ITGAE: variants seen among roughly 807,000 people sequenced by gnomAD.
The protein encoded by ITGAE is integrin alpha-E.
Under a neutral mutation model 136.5 loss-of-function variants are expected in ITGAE, and 99 were observed. The ratio of observed to expected loss-of-function variants is 0.73; its 90% CI spans 0.62 to 0.86. ITGAE has a LOEUF of 0.86. Ranked by LOEUF, ITGAE falls within the 40% of genes least tolerant of loss-of-function variation. The pLI, the probability that ITGAE is intolerant of heterozygous loss-of-function variation, is 0.00. For missense variants in ITGAE, 1,447 were observed against 1,515.3 expected (o/e 0.95, Z 0.75); for synonymous variants, 613 against 591.8 (o/e 1.04, Z -0.52).
Position 3,742,462 on chromosome 17 carries a change from T to TG in ITGAE, c.2448+1026_2448+1027insC, listed in dbSNP as rs201782893. On this transcript the variant is annotated intron_variant, in intron 19 of 30. Coordinates refer to ENST00000263087, the MANE Select transcript of ITGAE (RefSeq NM_002208.5). Reference sequence around the variant, plus strand: ...TATATATTGAAGGTTTGTGGTTTTTTTTTTTTTTTTGAGACGGAGTCTTTC... The same window carrying TG: ...TATATATTGAAGGTTTGTGGTTTTTTGTTTTTTTTTTGAGACGGAGTCTTTC... Among the ~76,000 whole-genome samples the TG allele has an allele frequency of 6.5e-3, 982 of 150,304 alleles. 18 individuals are homozygous for TG. Among genetic ancestry groups the TG allele is most frequent in the Middle Eastern group, 0.01 (3 of 292 alleles).
chr17:3,781,222 T>C (rs2052659637), intron 1 of ITGAE, among the ~76,000 whole-genome samples: 1 of 152,234 alleles, frequency 6.6e-6, no homozygotes, highest in Non-Finnish European at 1.5e-5. Flanking sequence ...CAACTACGTT[T>C]TTTGATGTTG....
intron 26 of ITGAE, chr17:3,724,920 G>C (rs756143093): frequency 1.2e-6 from 2 of 1,613,684 alleles, no homozygotes; most frequent in African/African-American, 1.3e-5. Flanking sequence ...AAGGGGAATA[G>C]ACAGGCTGGA....
chr17:3,780,927 C>T (rs1333592372), intron 1 of ITGAE, among the ~76,000 whole-genome samples: 3 of 151,990 alleles, frequency 2.0e-5, no homozygotes, highest in Non-Finnish European at 4.4e-5. Context: ...TGGTCTCCAA[C>T]TCCTGGGCTC....
At chr17:3,731,060 C>T (rs771551030) in intron 23 of ITGAE, 44 bp downstream of exon 23, 2 of 1,512,394 alleles carry the variant, frequency 1.3e-6, no homozygotes, top group Non-Finnish European at 1.8e-6. Context: ...GAGATGTCTT[C>T]CGGGGTCATA....
chr17:3,745,849 A>G lies in ITGAE; in HGVS notation c.2234T>C (p.Val745Ala). 6.2e-7 allele frequency: 1 copy of G among 1,614,040 alleles called. No homozygotes were observed. The highest frequency in any genetic ancestry group is 8.5e-7 in the Non-Finnish European group (1 of 1,179,998). The change falls in exon 18 of 31, where the codon GTA (valine) becomes GCA (alanine). Residue 745 changes from valine (V) to alanine (A), a missense_variant. Around this residue, in one of 3 missense-constraint regions of ITGAE, gnomAD observed 1,031 missense variants for 1,011.4 expected, o/e 1.02. Coordinates refer to ENST00000263087, the MANE Select transcript of ITGAE (RefSeq NM_002208.5). ...CCTCAGGCAGCCCAGACAGCTTCTT[A>G]CGTCTGAACACTGCAGCCGTCTCCT... The part of the protein sequence containing the change: ...KQRRRLQCSD[V>A]RSCLGCLREW...
intron 29 of ITGAE, 29 bp from the exon 30 acceptor site, chr17:3,716,827 A>C (rs749111583): frequency 7.8e-7 from 1 of 1,284,292 alleles, no homozygotes; most frequent in Non-Finnish European, 1.1e-6. Flanking sequence ...TCGCCCAATA[A>C]ATCAGGTGAA....
At chr17:3,762,038 C>T (rs1479300344) in intron 3 of ITGAE, 56 bp from the exon 4 acceptor site, 19 of 1,502,786 alleles carry the variant, frequency 1.3e-5, no homozygotes, top group South Asian at 2.3e-5. Flanking sequence ...GGCAGAGACC[C>T]GAAGCCAAGG....
intron 1 of ITGAE, among the ~76,000 whole-genome samples, chr17:3,782,952 G>A (rs2052699031): frequency 6.6e-6 from 1 of 152,156 alleles, no homozygotes; most frequent in South Asian, 2.1e-4. Context: ...AATCTGCGTT[G>A]CATGTCATGT....
intron 21 of ITGAE, among the ~76,000 whole-genome samples, chr17:3,734,002 A>G (rs1411448881): frequency 6.6e-6 from 1 of 152,210 alleles, no homozygotes; most frequent in Non-Finnish European, 1.5e-5. Flanking sequence ...AAAATGACTT[A>G]CACTCTCCAG....
At chr17:3,725,780 G>A in intron 26 of ITGAE, 5 of 1,602,692 alleles carry the variant, frequency 3.1e-6, no homozygotes, top group Non-Finnish European at 4.3e-6. Flanking sequence ...TAGAGCAAAT[G>A]CGAACCAAGT....
Position 3,759,543 on chromosome 17 carries a change from G to T in ITGAE, c.725C>A (p.Ala242Asp). Residue 242 changes from alanine to aspartate, a missense_variant, in exon 8 of 31, where the codon GCC becomes GAC. Ala to Asp is a moderately radical substitution (Grantham distance 126, BLOSUM62 -2). Coordinates refer to ENST00000263087, the MANE Select transcript of ITGAE (RefSeq NM_002208.5). ...FYEKCFECNF[A>D]LVQYGGVIQT... ...GATCACTCCTCCATACTGCACCAAGGCAAAGTTGCACTGCAGGGGATGGGC... is the reference window on the plus strand; with the variant it reads ...GATCACTCCTCCATACTGCACCAAGTCAAAGTTGCACTGCAGGGGATGGGC... The T allele has an allele frequency of 1.2e-6, 2 of 1,611,878 alleles. No homozygotes were observed. Among genetic ancestry groups the T allele is most frequent in the Non-Finnish European group, 1.7e-6 (2 of 1,178,066 alleles).
At chr17:3,777,467 G>T (rs73974123) in intron 2 of ITGAE, 73 bp downstream of exon 2, 2 of 1,520,510 alleles carry the variant, frequency 1.3e-6, no homozygotes, top group African/African-American at 2.8e-5. Flanking sequence ...TGCCATGGCC[G>T]TCTCTGGGGC....
intron 20 of ITGAE, among the ~76,000 whole-genome samples, chr17:3,736,688 C>G (rs2051465391): frequency 6.6e-6 from 1 of 152,196 alleles, no homozygotes; most frequent in African/African-American, 2.4e-5. Context: ...GAGTGCAGAA[C>G]CACTCTCAGT....
At chr17:3,787,938 C>G (rs1270705700) in intron 1 of ITGAE, among the ~76,000 whole-genome samples, 1 of 152,190 alleles carries the variant, frequency 6.6e-6, no homozygotes, top group Non-Finnish European at 1.5e-5. Flanking sequence ...ATCCACCCGT[C>G]TTGGCCTCCC....
intron 1 of ITGAE, among the ~76,000 whole-genome samples, chr17:3,786,685 A>C (rs1567558269): frequency 6.6e-6 from 1 of 152,090 alleles, no homozygotes; most frequent in Non-Finnish European, 1.5e-5. Flanking sequence ...AGGTCAAGAG[A>C]TTGAGACTAT....
chr17:3,764,498 A>G (rs2052246883), intron 2 of ITGAE, among the ~76,000 whole-genome samples: 1 of 152,112 alleles, frequency 6.6e-6, no homozygotes, highest in Non-Finnish European at 1.5e-5. Context: ...GGACTTTGAG[A>G]CCAGCCTGAT....
At chr17:3,726,553 C>T (rs565733341) in intron 26 of ITGAE, 55 of 547,124 alleles carry the variant, frequency 1.0e-4, no homozygotes, top group Middle Eastern at 4.8e-4. Flanking sequence ...ACTAGCCGGG[C>T]ACAGTGGCGT....
chr17:3,789,005 G>A (rs2052873013), intron 1 of ITGAE, among the ~76,000 whole-genome samples: 1 of 151,926 alleles, frequency 6.6e-6, no homozygotes, highest in South Asian at 2.1e-4. Context: ...CAGCACTTTG[G>A]GAGGCTGAGG....
chr17:3,723,903 G>A (rs900508105), intron 26 of ITGAE, 159 bp from the exon 27 acceptor site: 6 of 1,534,592 alleles, frequency 3.9e-6, no homozygotes, highest in Non-Finnish European at 5.2e-6. Flanking sequence ...GTCTCGCGAT[G>A]TTTGCGTTTG....
Sources: allele counts gnomAD v4.1 joint callset (sites outside exome capture counted in the v4.1 genomes callset), GRCh38; gene constraint gnomAD v4.1.1; regional missense constraint gnomAD v4.1.1; transcripts MANE v1.5; gene names NCBI Gene and HGNC (gene_info 2026-07-23, HGNC 2026-07-21).